Variants in RALYL observed in about 807,000 individuals in gnomAD.
RALYL encodes RALY RNA binding protein like, also known as RNA-binding Raly-like protein.
RALYL carries 29 observed loss-of-function variants against 35.1 expected under a neutral mutation model. That is an observed-to-expected ratio of 0.83 (90% CI 0.61 to 1.13). The LOEUF is 1.13. Among genes scored for constraint, RALYL ranks in the 50% most tolerant of loss-of-function variants. The probability of loss-of-function intolerance (pLI) is 0.00; values close to 1 mark genes in which losing one functional copy is unlikely to be tolerated. For missense variants in RALYL, 359 were observed against 360.4 expected, an observed-to-expected ratio of 1.00 and a Z score of 0.03; for synonymous variants, 120 against 127.6, an observed-to-expected ratio of 0.94 and a Z score of 0.40.
At chr8:84,421,972 G>A (rs1313483621) in intron 1 of RALYL, among the ~76,000 whole-genome samples, 1 of 152,022 alleles carries the variant, frequency 6.6e-6, no homozygotes, top group Non-Finnish European at 1.5e-5. Flanking sequence ...GAGGATTTTT[G>A]CATCAATTTT....
chr8:84,530,713 T>C (rs575640511), intron 2 of RALYL, among the ~76,000 whole-genome samples: 4 of 152,296 alleles, frequency 2.6e-5, no homozygotes, highest in African/African-American at 9.6e-5. Context: ...ATTATGTTCT[T>C]AACCTGCTTT....
At chr8:84,297,152 C>A (rs2132306625) in intron 1 of RALYL, among the ~76,000 whole-genome samples, 1 of 152,008 alleles carries the variant, frequency 6.6e-6, no homozygotes, top group African/African-American at 2.4e-5. Context: ...TATTTCATCA[C>A]CCAGATGATG....
intron 2 of RALYL, among the ~76,000 whole-genome samples, chr8:84,637,350 A>G (rs1825284850): frequency 6.6e-6 from 1 of 151,872 alleles, no homozygotes; most frequent in African/African-American, 2.4e-5. Flanking sequence ...AAGTAGTAGT[A>G]GTAGTAGTAA....
At chr8:84,389,252 A>C (rs922289629) in intron 1 of RALYL, among the ~76,000 whole-genome samples, 5 of 152,068 alleles carry the variant, frequency 3.3e-5, no homozygotes, top group Non-Finnish European at 1.5e-5. Context: ...GTAGCCTTGT[A>C]GTATAGTTTG....
At chr8:84,878,638 G>A (rs919985128) in intron 7 of RALYL, among the ~76,000 whole-genome samples, 1 of 150,670 alleles carries the variant, frequency 6.6e-6, no homozygotes, top group African/African-American at 2.4e-5. Flanking sequence ...TCAGAGAAAT[G>A]AGAAGATACT....
At chr8:84,799,685 G>A (rs554498652) in intron 3 of RALYL, among the ~76,000 whole-genome samples, 8 of 152,234 alleles carry the variant, frequency 5.3e-5, no homozygotes, top group Admixed American at 1.3e-4. Flanking sequence ...GGCCGGGTGC[G>A]CTGGCTCACG....
intron 1 of RALYL, among the ~76,000 whole-genome samples, chr8:84,441,315 A>C (rs912527408): frequency 2.3e-4 from 35 of 152,054 alleles, no homozygotes; most frequent in Non-Finnish European, 4.0e-4. Context: ...TTCTGATTTC[A>C]AGTTGTTCAT....
intron 4 of RALYL, among the ~76,000 whole-genome samples, chr8:84,811,077 T>G (rs1205025501): frequency 2.0e-5 from 3 of 152,092 alleles, no homozygotes; most frequent in Non-Finnish European, 4.4e-5. Flanking sequence ...TGTTTTTTTT[T>G]CTTTTTAACT....
intron 2 of RALYL, among the ~76,000 whole-genome samples, chr8:84,747,897 AAAC>A (rs1437098989): frequency 6.6e-6 from 1 of 151,976 alleles, no homozygotes; most frequent in African/African-American, 2.4e-5. Flanking sequence ...TTTCGGATTC[AAAC>A]CAAGTTACAA....
At chr8:84,466,972 T>G (rs1587538008) in intron 1 of RALYL, among the ~76,000 whole-genome samples, 2 of 152,214 alleles carry the variant, frequency 1.3e-5, no homozygotes, top group East Asian at 3.9e-4. Flanking sequence ...TGTATTTCTG[T>G]GGGATCGGTG....
Position 84,773,867 on chromosome 8 carries a change from G to A in RALYL, c.257-712G>A, listed in dbSNP as rs148649107. Among the ~76,000 whole-genome samples, 37 of 152,292 alleles carry A rather than the reference G, an allele frequency of 2.4e-4. No homozygotes were observed. The East Asian group carries it at 6.9e-3, about 29-fold the overall frequency. On this transcript the variant is annotated intron_variant, in intron 2 of 8. Transcript: ENST00000521268. ...TTTCATACAAATGTTTATGCATACT[G>A]AAAAATTCTTAGCGAAAAATGAAAA...
intron 2 of RALYL, among the ~76,000 whole-genome samples, chr8:84,630,818 A>G (rs1003173775): frequency 4.6e-5 from 7 of 152,066 alleles, no homozygotes; most frequent in African/African-American, 1.7e-4. Flanking sequence ...CAGAAAAAGC[A>G]AAATAATTTA....
At chr8:84,272,251 C>G (rs1834454217) in intron 1 of RALYL, among the ~76,000 whole-genome samples, 1 of 152,030 alleles carries the variant, frequency 6.6e-6, no homozygotes, top group African/African-American at 2.4e-5. Context: ...CACCACTATG[C>G]CCAGCTAATT....
chr8:84,307,589 A>T (rs576169936), intron 1 of RALYL, among the ~76,000 whole-genome samples: 79 of 152,306 alleles, frequency 5.2e-4, no homozygotes, highest in Admixed American at 1.6e-3. Context: ...CCATTCTGAA[A>T]TTTACTCAAG....
At chr8:84,588,152 C>A (rs1454183249) in intron 2 of RALYL, among the ~76,000 whole-genome samples, 1 of 152,050 alleles carries the variant, frequency 6.6e-6, no homozygotes, top group African/African-American at 2.4e-5. Context: ...TGTGTAGGAC[C>A]AGTATGTGCA....
At chr8:84,520,331 T>C (rs1019839983) in intron 1 of RALYL, among the ~76,000 whole-genome samples, 10 of 152,184 alleles carry the variant, frequency 6.6e-5, no homozygotes, top group Non-Finnish European at 1.2e-4. Context: ...TTATATCAGT[T>C]TGGTCACATT....
At chr8:84,740,442 A>G (rs1360628417) in intron 2 of RALYL, among the ~76,000 whole-genome samples, 1 of 152,060 alleles carries the variant, frequency 6.6e-6, no homozygotes, top group Non-Finnish European at 1.5e-5. Flanking sequence ...TATTCTAAAA[A>G]GAAAGTAATT....
At chr8:84,432,175 A>AAAT (rs2047216016) in intron 1 of RALYL, among the ~76,000 whole-genome samples, 1 of 152,198 alleles carries the variant, frequency 6.6e-6, no homozygotes, top group South Asian at 2.1e-4. Flanking sequence ...CATGAGGTAT[A>AAAT]AATATAGAAT....
intron 7 of RALYL, among the ~76,000 whole-genome samples, chr8:84,875,261 A>G (rs1320943132): frequency 6.6e-6 from 1 of 152,190 alleles, no homozygotes; most frequent in Non-Finnish European, 1.5e-5. Flanking sequence ...GACTTTGATA[A>G]CCAATTTGCA....
Sources: allele counts gnomAD v4.1 joint callset (sites outside exome capture counted in the v4.1 genomes callset), GRCh38; gene constraint gnomAD v4.1.1; transcripts MANE v1.5; gene names NCBI Gene and HGNC (gene_info 2026-07-23, HGNC 2026-07-21).